PCDH7: variants seen among roughly 807,000 people sequenced by gnomAD.
The protein encoded by PCDH7 is protocadherin 7, also known as protocadherin-7.
A neutral mutation model predicts 58.9 loss-of-function variants in PCDH7; 17 were observed. The observed-to-expected ratio is 0.29, with a 90% confidence interval of 0.20 to 0.43. The LOEUF (loss-of-function observed/expected upper bound fraction) is 0.43. PCDH7 is among the 20% of genes least tolerant of loss of function. The probability of loss-of-function intolerance (pLI) is 1.00; values close to 1 mark genes in which losing one functional copy is unlikely to be tolerated. For missense variants in PCDH7, 1,274 were observed against 1,441.0 expected (o/e 0.88, Z 1.88); for synonymous variants, 664 against 616.4 (o/e 1.08, Z -1.14).
At position 30,834,061 on chromosome 4, in the gene PCDH7, C is replaced by T. The variant is rs142242263; in HGVS notation, c.71-86092C>T. Among the ~76,000 whole-genome samples, 805 of 152,228 alleles carry T rather than the reference C, an allele frequency of 5.3e-3. 9 individuals are homozygous for T. Among genetic ancestry groups the T allele is most frequent in the Middle Eastern group, 0.01 (3 of 294 alleles). On this transcript the variant is annotated intron_variant, in intron 1 of 3. Coordinates refer to the PCDH7 transcript ENST00000509759. ...GTGCCATTTTCCTTTATATTTCTTACGTGTTCAGTGAAGTCATAAGCTCTT... is the reference window on the plus strand; with the variant it reads ...GTGCCATTTTCCTTTATATTTCTTATGTGTTCAGTGAAGTCATAAGCTCTT...
chr4:31,010,901 G>T (rs1309432666), intron 3 of PCDH7, among the ~76,000 whole-genome samples: 1 of 151,890 alleles, frequency 6.6e-6, no homozygotes, highest in Non-Finnish European at 1.5e-5. Flanking sequence ...GCAGCCTTTA[G>T]AGCAATTTTG....
chr4:31,098,717 A>C (rs1714500240), intron 3 of PCDH7, among the ~76,000 whole-genome samples: 1 of 152,184 alleles, frequency 6.6e-6, no homozygotes, highest in African/African-American at 2.4e-5. Context: ...CTGACATGGA[A>C]TAGATTAACT....
intron 1 of PCDH7, among the ~76,000 whole-genome samples, chr4:30,770,094 G>A (rs1721211100): frequency 6.6e-6 from 1 of 152,168 alleles, no homozygotes; most frequent in African/African-American, 2.4e-5. Context: ...GGCTTGGTGG[G>A]TATCCTGAGT....
intron 1 of PCDH7, among the ~76,000 whole-genome samples, chr4:30,861,673 C>T (rs1734217830): frequency 6.6e-6 from 1 of 152,084 alleles, no homozygotes; most frequent in Admixed American, 6.6e-5. Flanking sequence ...TTAATGTTTT[C>T]TTAGGAAGCT....
chr4:31,068,856 C>T (rs1252259526), intron 3 of PCDH7, among the ~76,000 whole-genome samples: 2 of 151,916 alleles, frequency 1.3e-5, no homozygotes, highest in African/African-American at 2.4e-5. Flanking sequence ...GAGTAGGCCC[C>T]GTGACTCATA....
chr4:31,100,585 C>A (rs546886928), intron 3 of PCDH7, among the ~76,000 whole-genome samples: 1 of 152,266 alleles, frequency 6.6e-6, no homozygotes, highest in African/African-American at 2.4e-5. Flanking sequence ...ATCTTAGGAA[C>A]AATCTGGTTT....
chr4:30,771,173 TTTTAA>T (rs1721351437), intron 1 of PCDH7, among the ~76,000 whole-genome samples: 2 of 152,220 alleles, frequency 1.3e-5, no homozygotes, highest in Admixed American at 6.5e-5. Context: ...CATTTCTTGT[TTTTAA>T]TTTGTGTTTC....
chr4:31,091,862 G>A (rs998347751), intron 3 of PCDH7, among the ~76,000 whole-genome samples: 1 of 151,900 alleles, frequency 6.6e-6, no homozygotes, highest in Admixed American at 6.6e-5. Context: ...TAATTAAAGA[G>A]TAGAGCTAAA....
chr4:31,077,555 T>C (rs1053583417), intron 3 of PCDH7, among the ~76,000 whole-genome samples: 1 of 152,142 alleles, frequency 6.6e-6, no homozygotes, highest in African/African-American at 2.4e-5. Flanking sequence ...TTGAAAATTT[T>C]CAAAGGAAAT....
intron 3 of PCDH7, among the ~76,000 whole-genome samples, chr4:31,071,552 G>A (rs954754809): frequency 4.6e-5 from 7 of 151,964 alleles, no homozygotes; most frequent in African/African-American, 1.7e-4. Context: ...AGTAAATGCA[G>A]GCAAATTTTA....
At position 30,721,860 on chromosome 4, in the gene PCDH7, C is replaced by G. The variant is rs779958144; in HGVS notation, c.438C>G (p.Pro146=). Residue 146 remains proline, a synonymous_variant, in exon 1 of 2, where the codon CCC becomes CCG. Coordinates refer to ENST00000361762, the Ensembl canonical transcript of PCDH7. This position sits in a 1 kb window ranked among gnomAD's most constrained non-coding sequence, Gnocchi z 6.7. ...ACAACACGCCCACCTTCCCGTCGCC[C>G]GTGCTCACGCTCACGGTGGAGGAGA... 4.0e-5 allele frequency: 64 copies of G among 1,604,770 alleles called. No individual in the cohort carries two copies. Among genetic ancestry groups the G allele is most frequent in the Admixed American group, 1.2e-4 (7 of 58,950 alleles).
chr4:30,839,593 A>G (rs868251724), intron 1 of PCDH7, among the ~76,000 whole-genome samples: 1 of 152,106 alleles, frequency 6.6e-6, no homozygotes, highest in East Asian at 1.9e-4. Context: ...AGGTCACCCA[A>G]TAAGTCACTC....
intron 1 of PCDH7, among the ~76,000 whole-genome samples, chr4:30,799,857 CT>C (rs759901691): frequency 0.01 from 1,445 of 144,268 alleles, 36 homozygotes; most frequent in Admixed American, 0.051. Context: ...ATGAATATCA[CT>C]TTTTTTTTTT....
chr4:30,810,729 G>A (rs929828778), intron 1 of PCDH7, among the ~76,000 whole-genome samples: 13 of 151,000 alleles, frequency 8.6e-5, no homozygotes, highest in Middle Eastern at 3.4e-3. Flanking sequence ...TCCCACCTCC[G>A]TCTCCCAAGT....
In PCDH7 at chr4:31,013,183, C is replaced by A. The variant is rs373015471; in HGVS notation, c.*7+62968C>A. 1.5e-4 allele frequency among the ~76,000 whole-genome samples: 22 copies of A among 150,248 alleles called. 4 individuals are homozygous for A. In the South Asian group the frequency reaches 2.6e-3, roughly 18 times the overall value. ...CTCCAGCCTGGGCAACAGAAGGAGACCCTGTTCTCTAAAGAAAAAGAGTGG... is the reference window on the plus strand; with the variant it reads ...CTCCAGCCTGGGCAACAGAAGGAGAACCTGTTCTCTAAAGAAAAAGAGTGG... On this transcript the variant is annotated intron_variant, in intron 3 of 3. Transcript: ENST00000509759.
intron 1 of PCDH7, among the ~76,000 whole-genome samples, chr4:30,835,492 G>A (rs760194598): frequency 8.5e-5 from 13 of 152,092 alleles, no homozygotes; most frequent in African/African-American, 2.9e-4. Flanking sequence ...ACCAGCCTTC[G>A]TTCGAGGAAA....
In PCDH7 at chr4:30,843,628, CA is replaced by C. The variant is rs538166985; in HGVS notation, c.71-76519del. Among the ~76,000 whole-genome samples the C allele has an allele frequency of 7.4e-4, 112 of 152,198 alleles. 1 individual carries two copies. Among genetic ancestry groups the C allele is most frequent in the African/African-American group, 2.6e-3 (110 of 41,546 alleles). ...TGTTTGCTATTAGACATAAAGCAAA[CA>C]AAAAACCAAACATCTATCTGAACTA... On this transcript the variant is annotated intron_variant, in intron 1 of 3. Transcript: ENST00000509759.
chr4:30,996,405 C>T (rs1485083644), intron 3 of PCDH7, among the ~76,000 whole-genome samples: 3 of 152,128 alleles, frequency 2.0e-5, no homozygotes, highest in South Asian at 2.1e-4. Context: ...GATTCCAATG[C>T]GCGAGGACAT....
intron 1 of PCDH7, among the ~76,000 whole-genome samples, chr4:30,908,252 A>C (rs1741249870): frequency 6.6e-6 from 1 of 151,524 alleles, no homozygotes; most frequent in African/African-American, 2.4e-5. Flanking sequence ...ATAAAAAAAA[A>C]AAAGAAGAAA....
Sources: gnomAD v4.1 joint callset for allele counts (sites outside exome capture counted in the v4.1 genomes callset) on GRCh38, gnomAD v4.1.1 for gene constraint, Gnocchi (gnomAD v3.1) non-coding constraint, MANE v1.5 for transcripts, NCBI Gene and HGNC (gene_info 2026-07-23, HGNC 2026-07-21) for gene names.